The following SERINC1 variants were observed in gnomAD, a reference collection of about 807,000 sequenced individuals.
SERINC1 encodes the protein tumor differentially expressed protein 2.
In SERINC1, 38 loss-of-function variants were observed where a neutral mutation model predicts 52.9. The ratio of observed to expected loss-of-function variants is 0.72; its 90% CI spans 0.55 to 0.94. The LOEUF (loss-of-function observed/expected upper bound fraction) is 0.94, where lower values mean the gene tolerates loss of function less well. Ranked by LOEUF, SERINC1 falls within the 40% of genes least tolerant of loss-of-function variation. The pLI, the probability that SERINC1 is intolerant of heterozygous loss-of-function variation, is 0.00. For synonymous variants in SERINC1, 198 were observed against 183.1 expected (o/e 1.08, Z -0.66); for missense variants, 471 against 533.9 (o/e 0.88, Z 1.16).
rs773012727 is a variant in SERINC1 at position 122,456,629 on chromosome 6, C to T, written c.223G>A (p.Glu75Lys). ...ATGTTACAAGGGACAACACCTTTCTCATTCTCACAAAATCCAGGAATCTAG... is the reference window on the plus strand; with the variant it reads ...ATGTTACAAGGGACAACACCTTTCTTATTCTCACAAAATCCAGGAATCTAG... ...LNKIPGFCEN[E>K]KGVVPCNILV... is the part of the protein sequence containing the mutation. The change falls in exon 3 of 10, where the codon GAG becomes AAG. Residue 75 changes from glutamate (E) to lysine (K), a missense_variant. Transcript: ENST00000339697. The T allele has an allele frequency of 1.9e-6, 3 of 1,594,148 alleles. No homozygotes were observed. Among genetic ancestry groups the T allele is most frequent in the Non-Finnish European group, 1.7e-6 (2 of 1,173,696 alleles).
At chr6:122,446,749 C>T (rs1285199198) in intron 9 of SERINC1, 25 bp downstream of exon 9, 1 of 1,475,736 alleles carries the variant, frequency 6.8e-7, no homozygotes, top group Non-Finnish European at 9.5e-7. Flanking sequence ...TTCACACATC[C>T]AGAGTTTTCA....
At chr6:122,452,078 G>T in intron 5 of SERINC1, 21 bp from the exon 6 acceptor site, 2 of 1,404,958 alleles carry the variant, frequency 1.4e-6, no homozygotes, top group Non-Finnish European at 1.9e-6. Context: ...AATATAATTG[G>T]ATAATTAGCT....
intron 3 of SERINC1, among the ~76,000 whole-genome samples, 152 bp downstream of exon 3, chr6:122,456,325 CAGTA>C (rs1774994406): frequency 6.6e-6 from 1 of 152,126 alleles, no homozygotes; most frequent in African/African-American, 2.4e-5. Flanking sequence ...TGACATTCTC[CAGTA>C]AAAACAAGAT....
chr6:122,454,096 T>C (rs1423575511), intron 4 of SERINC1, 55 bp downstream of exon 4: 2 of 1,277,680 alleles, frequency 1.6e-6, no homozygotes, highest in African/African-American at 3.0e-5. Flanking sequence ...GTGACAATTA[T>C]TTCAGATTCC....
rs145924073 is a variant in SERINC1 at position 122,451,991 on chromosome 6, T to C, written c.656A>G (p.Tyr219Cys). The C allele has an allele frequency of 5.0e-6, 8 of 1,594,596 alleles. No homozygotes were observed. The highest frequency in any genetic ancestry group is 2.3e-5 in the South Asian group (2 of 88,882). ...SLVAIVLFFV[Y>C]YTHPASCSEN... is the part of the protein sequence containing the mutation. ...TGAACAACTGGCTGGATGAGTGTAG[T>C]AGACAAAGAACAGGACGATAGCAAC... The change falls in exon 6 of 10, where the codon TAC becomes TGC. Residue 219 changes from tyrosine to cysteine, a missense_variant. Physicochemically the swap from Tyr to Cys is radical, Grantham distance 194 (BLOSUM62 -2). Transcript: ENST00000339697.
chr6:122,467,408 C>G (rs1297015970), intron 1 of SERINC1, among the ~76,000 whole-genome samples: 1 of 152,080 alleles, frequency 6.6e-6, no homozygotes, highest in Non-Finnish European at 1.5e-5. Flanking sequence ...AGTTCTGAGA[C>G]CAGCCTGGCC....
intron 7 of SERINC1, among the ~76,000 whole-genome samples, chr6:122,450,785 C>T (rs553016686): frequency 2.0e-5 from 3 of 152,008 alleles, no homozygotes; most frequent in Non-Finnish European, 2.9e-5. Flanking sequence ...GCTACAGATA[C>T]GGTGGAAAGA....
At chr6:122,467,545 C>T (rs1378221045) in intron 1 of SERINC1, among the ~76,000 whole-genome samples, 5 of 152,028 alleles carry the variant, frequency 3.3e-5, no homozygotes, top group South Asian at 2.1e-4. Flanking sequence ...GGTTCAAAGT[C>T]GCAGTGAGCT....
intron 7 of SERINC1, 110 bp from the exon 8 acceptor site, chr6:122,447,375 G>T (rs1774824810): frequency 1.4e-6 from 1 of 735,144 alleles, no homozygotes. Context: ...AGAAACAATT[G>T]CTGGAAAAGG....
At chr6:122,470,445 T>C (rs1389253099) in intron 1 of SERINC1, among the ~76,000 whole-genome samples, 1 of 152,200 alleles carries the variant, frequency 6.6e-6, no homozygotes, top group Non-Finnish European at 1.5e-5. Context: ...TTGCATAACA[T>C]CTTCCAATAA....
chr6:122,457,256 A>C (rs1332317866), intron 2 of SERINC1, among the ~76,000 whole-genome samples: 1 of 152,124 alleles, frequency 6.6e-6, no homozygotes, highest in Non-Finnish European at 1.5e-5. Context: ...CCAGTTTTCT[A>C]GGATCAGAAT....
intron 9 of SERINC1, 97 bp downstream of exon 9, chr6:122,446,674 AGAG>A (rs1287559216): frequency 1.2e-5 from 7 of 583,304 alleles, no homozygotes; most frequent in Non-Finnish European, 2.1e-5. Flanking sequence ...GAAATATATC[AGAG>A]GATAAAAAGT....
In SERINC1 at chr6:122,458,700, T is replaced by A. The variant is rs1437022240; in HGVS notation, c.40-19A>T. 6.5e-7 allele frequency: 1 copy of A among 1,531,560 alleles called. No homozygotes were observed. The highest frequency in any genetic ancestry group is 1.4e-5 in the African/African-American group (1 of 72,786). The allele number at this position is 1,531,560 out of a possible 1,614,324, so 94.9% of individuals were successfully genotyped here. A position where few individuals can be genotyped will look rare whatever the true frequency, so the allele number is the denominator to read the frequency against. ...ATGGTATCTGGGAAAAAGAATATTA[T>A]TGAAAATATTATTAAGAATCAGTAA... On this transcript the variant is annotated intron_variant, in intron 1 of 9. Transcript: ENST00000339697.
In SERINC1 at chr6:122,444,779, A is replaced by G. The variant is rs939025867; in HGVS notation, c.*265T>C. On this transcript the variant is annotated 3_prime_UTR_variant, in exon 10 of 10. Transcript: ENST00000339697. ...TGTTTTTACTCTTCATTTCACAACT[A>G]TAGAGCAGAGAATAAGCCCAATAAT... 68 of 368,490 alleles carry G rather than the reference A, an allele frequency of 1.8e-4. No homozygotes were observed. The highest frequency in any genetic ancestry group is 9.2e-5 in the Non-Finnish European group (19 of 205,570). The allele number at this position is 368,490 out of a possible 1,614,324, so 22.8% of individuals were successfully genotyped here. A position where few individuals can be genotyped will look rare whatever the true frequency, so the allele number is the denominator to read the frequency against.
chr6:122,460,907 T>C lies in SERINC1; in HGVS notation c.40-2226A>G, dbSNP rs182536903. The stretch of plus-strand genomic sequence containing the variant: ...GAAGATAATTTAAAATTAAGACCCA[T>C]ATCATACTTCTCCAGATGATAAAAT... On this transcript the variant is annotated intron_variant, in intron 1 of 9. Coordinates refer to ENST00000339697, the MANE Select transcript of SERINC1 (RefSeq NM_020755.4). Among the ~76,000 whole-genome samples, 814 of 152,206 alleles carry C rather than the reference T, an allele frequency of 5.3e-3. 8 individuals carry two copies. The highest frequency in any genetic ancestry group is 0.018 in the African/African-American group (764 of 41,508).
intron 1 of SERINC1, among the ~76,000 whole-genome samples, chr6:122,469,502 G>A (rs1241681761): frequency 1.3e-5 from 2 of 150,956 alleles, no homozygotes; most frequent in South Asian, 2.1e-4. Flanking sequence ...TCAGCCACCC[G>A]AGTGGGATTA....
intron 2 of SERINC1, 152 bp from the exon 3 acceptor site, chr6:122,456,802 A>C: frequency 1.8e-6 from 1 of 559,378 alleles, no homozygotes; most frequent in Non-Finnish European, 3.0e-6. Flanking sequence ...AGTCTGATAC[A>C]TTTTAATCAC....
Position 122,452,074 on chromosome 6 carries a change from A to C in SERINC1, c.590-17T>G, listed in dbSNP as rs1774920113. ...ATAACAAGGCTGTGAAAGAAATATA[A>C]TTGGATAATTAGCTTTTTATCAGAA... is the stretch of plus-strand genomic sequence containing the variant. On this transcript the variant is annotated splice_polypyrimidine_tract_variant and intron_variant, in intron 5 of 9. Coordinates refer to ENST00000339697, the MANE Select transcript of SERINC1 (RefSeq NM_020755.4). 7.0e-7 allele frequency: 1 copy of C among 1,429,056 alleles called. No homozygotes were observed. Among genetic ancestry groups the C allele is most frequent in the East Asian group, 2.7e-5 (1 of 37,382 alleles). The allele number at this position is 1,429,056 out of a possible 1,614,324, so 88.5% of individuals were successfully genotyped here.
intron 1 of SERINC1, among the ~76,000 whole-genome samples, chr6:122,467,650 T>A (rs539021700): frequency 6.6e-6 from 1 of 152,138 alleles, no homozygotes; most frequent in Non-Finnish European, 1.5e-5. Flanking sequence ...ATGTTGTGCA[T>A]GAAAGGAAAA....
Sources: gnomAD v4.1 joint callset for allele counts (sites outside exome capture counted in the v4.1 genomes callset) on GRCh38, gnomAD v4.1.1 for gene constraint, MANE v1.5 for transcripts, NCBI Gene and HGNC (gene_info 2026-07-23, HGNC 2026-07-21) for gene names.